TULP1: variants seen among roughly 807,000 people sequenced by gnomAD.
The protein encoded by TULP1 is TUB like protein 1, also known as tubby-related protein 1.
Under a neutral mutation model 67.1 loss-of-function variants are expected in TULP1, and 50 were observed. That is an observed-to-expected ratio of 0.75 (90% CI 0.59 to 0.94). TULP1 has a LOEUF of 0.94. TULP1 is among the 40% of genes least tolerant of loss of function. TULP1 has a pLI of 0.00. For missense variants in TULP1, 746 were observed against 734.1 expected (o/e 1.02, Z -0.19); for synonymous variants, 297 against 294.0 (o/e 1.01, Z -0.11).
chr6:35,506,429 G>T, intron 8 of TULP1, 150 bp from the exon 9 acceptor site: 1 of 998,502 alleles, frequency 1.0e-6, no homozygotes, highest in Non-Finnish European at 1.5e-6. Context: ...ATTCTGCTTA[G>T]CTTGTGGATA....
chr6:35,506,383 G>A, intron 8 of TULP1, 104 bp from the exon 9 acceptor site: 2 of 1,417,632 alleles, frequency 1.4e-6, no homozygotes, highest in Non-Finnish European at 1.9e-6. Context: ...GCACGGCCAA[G>A]TTAGGAGGCT....
chr6:35,503,623 C>G lies in TULP1; in HGVS notation c.1259G>C (p.Arg420Pro), dbSNP rs121909073. 1.9e-6 allele frequency: 3 copies of G among 1,598,500 alleles called. No individual in the cohort carries two copies. Among genetic ancestry groups the G allele is most frequent in the Non-Finnish European group, 2.6e-6 (3 of 1,172,726 alleles). ...CATGCCAGGAATGATGACGGTCATG[C>G]GCCGGGGGCCACGGAAGCCCAGCAC... Reference protein sequence around the residue: ...TNVLGFRGPRRMTVIIPGMSA... With the variant: ...TNVLGFRGPRPMTVIIPGMSA... The change falls in exon 13 of 15, where the codon CGC becomes CCC. Residue 420 changes from arginine (R) to proline (P), a missense_variant. By Grantham distance (103) the Arg-to-Pro change is moderately radical. Around this residue, in one of 3 missense-constraint regions of TULP1, gnomAD observed 383 missense variants for 374.1 expected, o/e 1.02. Coordinates refer to ENST00000229771, the MANE Select transcript of TULP1 (RefSeq NM_003322.6). The surrounding 1 kb of genome is among the most constrained non-coding windows in gnomAD (Gnocchi z 4.0).
chr6:35,506,849 A>C (rs1434638745), intron 8 of TULP1, among the ~76,000 whole-genome samples: 2 of 152,146 alleles, frequency 1.3e-5, no homozygotes, highest in African/African-American at 4.8e-5. Context: ...TCCTTTGCAC[A>C]CTGTCTCAGG....
At position 35,510,970 on chromosome 6, in the gene TULP1, C is replaced by T. The variant is rs769034850; in HGVS notation, c.390G>A (p.Glu130=). The change falls in exon 5 of 15, where the codon GAG becomes GAA. Residue 130 remains glutamate (E), a synonymous_variant. Transcript: ENST00000229771. ...EEEEDEEDEE[E]EAEEKKEKIL... ...TTTTCTCTTTCTTTTCCTCTGCCTC[C>T]TCTTCCTCGTCCTCCTCGTCCTCCT... 1.2e-6 allele frequency: 2 copies of T among 1,603,388 alleles called. No homozygotes were observed. Among genetic ancestry groups the T allele is most frequent in the South Asian group, 1.1e-5 (1 of 91,000 alleles).
chr6:35,512,730 T>TGCCAACCCCAA, intron 1 of TULP1, 40 bp from the exon 2 acceptor site: 8 of 1,596,542 alleles, frequency 5.0e-6, no homozygotes, highest in African/African-American at 1.4e-5. Context: ...CCCTTCCCCT[T>TGCCAACCCCAA]CCCTCCCCAT....
intron 4 of TULP1, 158 bp from the exon 5 acceptor site, chr6:35,511,168 A>G: frequency 4.1e-6 from 6 of 1,471,978 alleles, no homozygotes; most frequent in Non-Finnish European, 5.4e-6. Flanking sequence ...TCCCAGAAGA[A>G]TGAGGGTGAC....
In TULP1 at chr6:35,503,153, T is replaced by C. The variant is rs1761003465; in HGVS notation, c.1323+406A>G. Among the ~76,000 whole-genome samples, 3 of 151,946 alleles carry C rather than the reference T, an allele frequency of 2.0e-5. No individual in the cohort carries two copies. The South Asian group carries it at 6.2e-4, about 32-fold the overall frequency. On this transcript the variant is annotated intron_variant, in intron 13 of 14. Transcript: ENST00000229771. This position sits in a 1 kb window ranked among gnomAD's most constrained non-coding sequence, Gnocchi z 4.0. ...CGGGGTTTCACCATGTTAGCCAGGA[T>C]AGTCTCGATCTCCTGACCTCGTGAT... is the stretch of plus-strand genomic sequence containing the variant.
In TULP1 at chr6:35,506,025, A is replaced by G; in HGVS notation, c.977T>C (p.Leu326Pro). Reference protein sequence around the residue: ...MDRGMYPSYFLHLDTEKKVFL... With the variant: ...MDRGMYPSYFPHLDTEKKVFL... ...CACCTTCTTCTCCGTGTCCAGGTGC[A>G]GGAAGTAGGAGGGATACATGCCTCG... is the stretch of plus-strand genomic sequence containing the variant. The change falls in exon 10 of 15, where the codon CTG (leucine) becomes CCG (proline). Residue 326 changes from leucine (L) to proline (P), a missense_variant. This residue lies in a region of TULP1 where 383 missense variants were observed against 374.1 expected (regional missense o/e 1.02). Coordinates refer to ENST00000229771, the MANE Select transcript of TULP1 (RefSeq NM_003322.6). The G allele has an allele frequency of 6.2e-7, 1 of 1,613,936 alleles. No individual in the cohort carries two copies. The highest frequency in any genetic ancestry group is 8.5e-7 in the Non-Finnish European group (1 of 1,180,008).
At chr6:35,512,714 C>T in intron 1 of TULP1, 24 bp from the exon 2 acceptor site, 1 of 1,613,168 alleles carries the variant, frequency 6.2e-7, no homozygotes, top group Non-Finnish European at 8.5e-7. Context: ...AGGGATCAGC[C>T]TGTCTCCCTT....
Position 35,498,407 on chromosome 6 carries a change from C to CTA in TULP1, c.1547_1548dup (p.Asp517Ter). 6.2e-7 allele frequency: 1 copy of CTA among 1,613,980 alleles called. No individual in the cohort carries two copies. Among genetic ancestry groups the CTA allele is most frequent in the Non-Finnish European group, 8.5e-7 (1 of 1,180,020 alleles). ...AGGGCGCACAGCGGGTACCGGTAGT[C>CTA]TAGGGTGAAGGCGTCCTCCGCCACG... is the stretch of plus-strand genomic sequence containing the variant. On this transcript the variant is annotated frameshift_variant, in exon 15 of 15. Transcript: ENST00000229771. LOFTEE classifies it high-confidence loss of function. This position sits in a 1 kb window ranked among gnomAD's most constrained non-coding sequence, Gnocchi z 6.7.
Position 35,498,197 on chromosome 6 carries a change from G to A in TULP1, c.*130C>T. The A allele has an allele frequency of 7.0e-7, 1 of 1,422,134 alleles. No individual in the cohort carries two copies. Among genetic ancestry groups the A allele is most frequent in the Non-Finnish European group, 9.5e-7 (1 of 1,056,630 alleles). 88.1% of individuals were successfully genotyped at this position (1,422,134 alleles called of 1,614,324 possible). Reference sequence around the variant, plus strand: ...GGGGAGAGGACGGAGGTCACCGAGAGGCAGTGAGAGGTCAGCCCCGACACA... The same window carrying A: ...GGGGAGAGGACGGAGGTCACCGAGAAGCAGTGAGAGGTCAGCCCCGACACA... On this transcript the variant is annotated 3_prime_UTR_variant, in exon 15 of 15. Coordinates refer to ENST00000229771, the MANE Select transcript of TULP1 (RefSeq NM_003322.6). This position sits in a 1 kb window ranked among gnomAD's most constrained non-coding sequence, Gnocchi z 6.7.
chr6:35,503,685 C>G lies in TULP1; in HGVS notation c.1225-28G>C, dbSNP rs751568599. 1.9e-5 allele frequency: 30 copies of G among 1,599,348 alleles called. No homozygotes were observed. In the South Asian group the frequency reaches 3.2e-4, roughly 17 times the overall value. ...GGGAAGGAAACAGATGCCTGTGAGG[C>G]CAGCCCCTGTAAGGGGAGCAGCCTG... On this transcript the variant is annotated intron_variant, in intron 12 of 14. Coordinates refer to ENST00000229771, the MANE Select transcript of TULP1 (RefSeq NM_003322.6). The surrounding 1 kb of genome is among the most constrained non-coding windows in gnomAD (Gnocchi z 4.0).
chr6:35,506,234 C>T, intron 9 of TULP1, 40 bp downstream of exon 9: 1 of 1,607,580 alleles, frequency 6.2e-7, no homozygotes, highest in East Asian at 2.2e-5. Flanking sequence ...CCCAGCAGGT[C>T]CCAGTGCTGA....
intron 3 of TULP1, 155 bp from the exon 4 acceptor site, chr6:35,511,961 G>A (rs1254938223): frequency 3.3e-6 from 3 of 918,604 alleles, no homozygotes; most frequent in East Asian, 2.7e-5. Context: ...ACTTCTCCCC[G>A]GCTTCCATTC....
rs1040959393 is a variant in TULP1 at position 35,511,823 on chromosome 6, G to A, written c.191-17C>T. Reference sequence around the variant, plus strand: ...TCCGCCCAGCTGAGCCGAGATGCGGGGTTCAGACAGGGTCCCATCCGCGGG... The same window carrying A: ...TCCGCCCAGCTGAGCCGAGATGCGGAGTTCAGACAGGGTCCCATCCGCGGG... On this transcript the variant is annotated splice_polypyrimidine_tract_variant and intron_variant, in intron 3 of 14. Transcript: ENST00000229771. 8 of 1,528,906 alleles carry A rather than the reference G, an allele frequency of 5.2e-6. No homozygotes were observed. Among genetic ancestry groups the A allele is most frequent in the South Asian group, 1.2e-5 (1 of 81,006 alleles). The allele number at this position is 1,528,906 out of a possible 1,614,324, so 94.7% of individuals were successfully genotyped here.
intron 8 of TULP1, among the ~76,000 whole-genome samples, chr6:35,507,146 CT>C (rs2150926009): frequency 6.7e-6 from 1 of 150,188 alleles, no homozygotes; most frequent in African/African-American, 2.5e-5. Flanking sequence ...TTCTATATGG[CT>C]CTCTGTCTCT....
chr6:35,508,922 C>A (rs373530190), intron 8 of TULP1, among the ~76,000 whole-genome samples: 2 of 152,032 alleles, frequency 1.3e-5, no homozygotes, highest in African/African-American at 2.4e-5. Context: ...ATGGTGGGGG[C>A]GTGGGGACAT....
chr6:35,512,017 A>G, intron 3 of TULP1, 163 bp downstream of exon 3: 1 of 456,864 alleles, frequency 2.2e-6, no homozygotes, highest in East Asian at 3.5e-5. Flanking sequence ...TTCTACACCA[A>G]CCCCAACCCC....
At position 35,498,485 on chromosome 6, in the gene TULP1, G is replaced by A; in HGVS notation, c.1496-25C>T. 1 of 1,613,152 alleles carries A rather than the reference G, an allele frequency of 6.2e-7. No individual in the cohort carries two copies. The highest frequency in any genetic ancestry group is 8.5e-7 in the Non-Finnish European group (1 of 1,179,940). ...GCTATGGACACAAGACGGGGTGGGG[G>A]CGGCCCGAGACCTCCTTGGACCCCC... On this transcript the variant is annotated intron_variant, in intron 14 of 14. Coordinates refer to ENST00000229771, the MANE Select transcript of TULP1 (RefSeq NM_003322.6). This position sits in a 1 kb window ranked among gnomAD's most constrained non-coding sequence, Gnocchi z 6.7.
Sources: gnomAD v4.1 joint callset for allele counts (sites outside exome capture counted in the v4.1 genomes callset) on GRCh38, gnomAD v4.1.1 for gene constraint, gnomAD v4.1.1 regional missense constraint, Gnocchi (gnomAD v3.1) non-coding constraint, MANE v1.5 for transcripts, NCBI Gene and HGNC (gene_info 2026-07-23, HGNC 2026-07-21) for gene names.